The following GFI1B variants were observed in gnomAD, a reference collection of about 807,000 sequenced individuals.
GFI1B encodes the protein growth factor independent 1B transcriptional repressor.
A neutral mutation model predicts 35.3 loss-of-function variants in GFI1B; 20 were observed. That is an observed-to-expected ratio of 0.57 (90% confidence interval 0.40 to 0.82). The LOEUF (loss-of-function observed/expected upper bound fraction) is 0.82, where lower values mean the gene tolerates loss of function less well. GFI1B is among the 40% of genes least tolerant of loss of function. GFI1B has a pLI of 0.00. For missense variants in GFI1B, 430 were observed against 446.3 expected (o/e 0.96, Z 0.33); for synonymous variants, 178 against 177.6 (o/e 1.00, Z -0.02).
intron 1 of GFI1B, among the ~76,000 whole-genome samples, chr9:132,979,262 T>TAA (rs1848730824): frequency 6.9e-6 from 1 of 145,598 alleles, no homozygotes; most frequent in Admixed American, 6.8e-5. Flanking sequence ...TTTTTTTTTT[T>TAA]TTTTTTTTTT....
intron 1 of GFI1B, among the ~76,000 whole-genome samples, chr9:132,966,364 GAAAA>G (rs373602732): frequency 8.3e-6 from 1 of 121,150 alleles, no homozygotes; most frequent in South Asian, 2.5e-4. Context: ...ATCTCAAAAA[GAAAA>G]AAAAAAAGAA....
At chr9:132,965,932 T>TCTG (rs1404489689) in intron 1 of GFI1B, among the ~76,000 whole-genome samples, 2 of 152,244 alleles carry the variant, frequency 1.3e-5, no homozygotes, top group Non-Finnish European at 2.9e-5. Flanking sequence ...ATCCATGAGT[T>TCTG]CTGGCACATG....
At chr9:132,954,535 A>T (rs1848251458) in intron 1 of GFI1B, among the ~76,000 whole-genome samples, 1 of 150,292 alleles carries the variant, frequency 6.7e-6, no homozygotes, top group South Asian at 2.1e-4. Context: ...AGATCATGCC[A>T]CTGCACTCCA....
rs776662936 is a variant in GFI1B, at chr9:132,989,039, C to T, written c.511-22C>T. ...CTGTCACCGCAGCCCCCAGTGGCCT[C>T]ACATGCTGCCCCTGCTCCCAGGTCT... On this transcript the variant is annotated intron_variant, in intron 4 of 6. Transcript: ENST00000372122. The surrounding 1 kb of genome is among the most constrained non-coding windows in gnomAD (Gnocchi z 6.2). The T allele has an allele frequency of 6.2e-7, 1 of 1,613,130 alleles. No homozygotes were observed. Among genetic ancestry groups the T allele is most frequent in the Non-Finnish European group, 8.5e-7 (1 of 1,179,252 alleles).
chr9:132,992,170 C>T (rs1470837511), downstream of GFI1B, among the ~76,000 whole-genome samples: 2 of 152,158 alleles, frequency 1.3e-5, no homozygotes, highest in East Asian at 3.9e-4. Flanking sequence ...GCCTTCAAAG[C>T]ACATAACTTG....
chr9:132,981,464 C>T (rs1848817898), intron 1 of GFI1B, among the ~76,000 whole-genome samples: 1 of 151,898 alleles, frequency 6.6e-6, no homozygotes. Flanking sequence ...ATGGCAAAAC[C>T]CCGTCTCTAC....
chr9:132,990,790 C>G (rs959281707), intron 6 of GFI1B, 82 bp from the exon 7 acceptor site: 8 of 1,294,022 alleles, frequency 6.2e-6, no homozygotes, highest in Middle Eastern at 2.3e-4. Flanking sequence ...GAAAATGAAC[C>G]CGGGGGCAGG....
At chr9:132,983,549 G>A (rs757872213) in intron 1 of GFI1B, among the ~76,000 whole-genome samples, 19 of 152,074 alleles carry the variant, frequency 1.2e-4, no homozygotes, top group Non-Finnish European at 2.1e-4. Context: ...TGCTGCAGGC[G>A]GTGTTCACCG....
chr9:132,961,026 G>T (rs1018961955), intron 1 of GFI1B, among the ~76,000 whole-genome samples: 8 of 152,074 alleles, frequency 5.3e-5, no homozygotes, highest in African/African-American at 1.9e-4. Context: ...CGCCTCCCCT[G>T]AAGCATATGC....
chr9:132,975,822 TC>T (rs898122030), upstream of GFI1B, among the ~76,000 whole-genome samples: 92 of 152,358 alleles, frequency 6.0e-4, no homozygotes, highest in African/African-American at 2.1e-3. Context: ...AGGTGTTGAC[TC>T]CAGGGCTGCT....
chr9:132,974,601 C>CAAAAAAAAAAAAAAA (rs11243966), upstream of GFI1B, among the ~76,000 whole-genome samples: 32 of 79,844 alleles, frequency 4.0e-4, 1 homozygote, highest in African/African-American at 1.7e-3. Context: ...GAATCCGTCT[C>CAAAAAAAAAAAAAAA]AAAAAAAAAA....
intron 1 of GFI1B, among the ~76,000 whole-genome samples, chr9:132,961,608 T>C (rs1392757857): frequency 1.3e-5 from 2 of 151,362 alleles, no homozygotes; most frequent in East Asian, 1.9e-4. Flanking sequence ...TTTTTTTTTT[T>C]TGAGACGGAG....
At chr9:132,952,137 A>G (rs532522548) in intron 1 of GFI1B, 19 of 151,996 alleles carry the variant, frequency 1.3e-4, no homozygotes, top group African/African-American at 4.6e-4. Context: ...GTTTTTTTAA[A>G]ATTTTCAACT....
chr9:132,984,040 G>A (rs1367500656), intron 1 of GFI1B, among the ~76,000 whole-genome samples: 1 of 152,256 alleles, frequency 6.6e-6, no homozygotes, highest in East Asian at 1.9e-4. Flanking sequence ...CCTGCCAGAA[G>A]GTTTGACCAG....
chr9:132,968,157 C>T (rs965220025), intron 1 of GFI1B, among the ~76,000 whole-genome samples: 1 of 151,310 alleles, frequency 6.6e-6, no homozygotes, highest in Non-Finnish European at 1.5e-5. Context: ...TGCTCTGTCA[C>T]CTGGGCTAGA....
chr9:132,966,954 CAG>C (rs1199460057), intron 1 of GFI1B, among the ~76,000 whole-genome samples: 6 of 152,192 alleles, frequency 3.9e-5, no homozygotes, highest in Admixed American at 3.9e-4. Context: ...TTCCAAGACA[CAG>C]AGTGCTAGGG....
rs79993001 is a variant in GFI1B, at chr9:132,971,549, A to T, written c.-700-1176A>T. On this transcript the variant is annotated intron_variant, in intron 1 of 10. Coordinates refer to the GFI1B transcript ENST00000339463. ...CAAAAGCAAAGGGTCAATGTGGATT[A>T]ATTTGAATTGAAAACATTATAAACA... Among the ~76,000 whole-genome samples the T allele has an allele frequency of 9.9e-3, 1,515 of 152,316 alleles. 22 individuals carry two copies. The highest frequency in any genetic ancestry group is 0.035 in the African/African-American group (1,448 of 41,542).
Position 132,989,723 on chromosome 9 carries a change from G to A in GFI1B, c.649-19G>A, listed in dbSNP as rs778859388. 3 of 1,611,400 alleles carry A rather than the reference G, an allele frequency of 1.9e-6. No homozygotes were observed. The Admixed American group carries it at 5.0e-5, about 27-fold the overall frequency. On this transcript the variant is annotated intron_variant, in intron 5 of 6. Coordinates refer to ENST00000372122, the MANE Select transcript of GFI1B (RefSeq NM_001377304.1). The surrounding 1 kb of genome is among the most constrained non-coding windows in gnomAD (Gnocchi z 6.2). ...CTGAGCCTGCACCTGACCCCCCGGG[G>A]CCTCATTTCCTCCGGCAGGAGCGCA...
intron 1 of GFI1B, among the ~76,000 whole-genome samples, chr9:132,954,723 A>T (rs888799240): frequency 1.4e-5 from 2 of 145,214 alleles, no homozygotes; most frequent in Non-Finnish European, 3.0e-5. Flanking sequence ...CATCTGGCCA[A>T]TTTTTTTTTT....
Sources: gnomAD v4.1 joint callset for allele counts (sites outside exome capture counted in the v4.1 genomes callset) on GRCh38, gnomAD v4.1.1 for gene constraint, Gnocchi (gnomAD v3.1) non-coding constraint, MANE v1.5 for transcripts, NCBI Gene and HGNC (gene_info 2026-07-23, HGNC 2026-07-21) for gene names.